The following DGKB variants were observed in gnomAD, a reference collection of about 807,000 sequenced individuals.
The protein encoded by DGKB is 90 kDa diacylglycerol kinase.
Under a neutral mutation model 114.3 loss-of-function variants are expected in DGKB, and 67 were observed. The ratio of observed to expected loss-of-function variants is 0.59; its 90% CI spans 0.48 to 0.72. DGKB has a LOEUF of 0.72. Among genes scored for constraint, DGKB ranks in the 30% least tolerant of loss-of-function variants. DGKB has a pLI of 0.00. For missense variants in DGKB, 907 were observed against 975.2 expected, an observed-to-expected ratio of 0.93 and a Z score of 0.93; for synonymous variants, 398 against 323.1, an observed-to-expected ratio of 1.23 and a Z score of -2.49.
chr7:14,885,519 A>G (rs1854911101), intron 1 of DGKB, among the ~76,000 whole-genome samples: 1 of 151,876 alleles, frequency 6.6e-6, no homozygotes, highest in Admixed American at 6.6e-5. Flanking sequence ...GCTATGAGAG[A>G]AGAAGGAGAA....
chr7:14,910,518 T>C (rs1043637336), intron 1 of DGKB, among the ~76,000 whole-genome samples: 1 of 152,082 alleles, frequency 6.6e-6, no homozygotes, highest in African/African-American at 2.4e-5. Flanking sequence ...TGAGAAAAAA[T>C]ACTTTTATGT....
chr7:14,580,067 T>C (rs2128721809), intron 19 of DGKB, among the ~76,000 whole-genome samples: 1 of 152,312 alleles, frequency 6.6e-6, no homozygotes, highest in East Asian at 1.9e-4. Context: ...CTCTGCAAAA[T>C]GTTTTAAGAC....
chr7:14,953,786 A>T (rs1387882328), intron 1 of DGKB, among the ~76,000 whole-genome samples: 1 of 152,136 alleles, frequency 6.6e-6, no homozygotes, highest in Non-Finnish European at 1.5e-5. Context: ...AAGAACTGTA[A>T]AGAATCCAAA....
At chr7:14,744,279 C>A (rs559252754) in intron 4 of DGKB, among the ~76,000 whole-genome samples, 1 of 152,286 alleles carries the variant, frequency 6.6e-6, no homozygotes, top group East Asian at 1.9e-4. Flanking sequence ...AATAGGAATT[C>A]ATTTTCTCTG....
At chr7:14,939,008 G>C (rs1785415724) in intron 1 of DGKB, among the ~76,000 whole-genome samples, 1 of 152,128 alleles carries the variant, frequency 6.6e-6, no homozygotes, top group South Asian at 2.1e-4. Flanking sequence ...AGGCATTTAA[G>C]TACCAGATTC....
At chr7:14,645,485 C>T (rs184999173) in intron 13 of DGKB, among the ~76,000 whole-genome samples, 5 of 152,150 alleles carry the variant, frequency 3.3e-5, no homozygotes, top group Admixed American at 6.5e-5. Context: ...AGCAAAGAGC[C>T]ACTGGGTGCC....
chr7:14,973,717 T>A (rs1012003799), intron 1 of DGKB, among the ~76,000 whole-genome samples: 19 of 150,002 alleles, frequency 1.3e-4, no homozygotes, highest in African/African-American at 4.4e-4. Flanking sequence ...AGTGACCATC[T>A]CTGAGATTAC....
chr7:14,789,476 T>C (rs1840360950), intron 2 of DGKB, among the ~76,000 whole-genome samples: 1 of 152,194 alleles, frequency 6.6e-6, no homozygotes, highest in South Asian at 2.1e-4. Context: ...TACCACAGTG[T>C]CCTTAAGCAT....
At chr7:14,315,453 G>A (rs1357374368) in intron 23 of DGKB, among the ~76,000 whole-genome samples, 3 of 150,664 alleles carry the variant, frequency 2.0e-5, no homozygotes, top group African/African-American at 7.3e-5. Flanking sequence ...CCAAGCAAAT[G>A]GAAAACAAAA....
At chr7:14,334,164 T>C (rs207467678) in intron 23 of DGKB, among the ~76,000 whole-genome samples, 3 of 152,294 alleles carry the variant, frequency 2.0e-5, no homozygotes, top group Non-Finnish European at 2.9e-5. Flanking sequence ...GCTTGTGCCA[T>C]GCAAAAGTAC....
intron 1 of DGKB, among the ~76,000 whole-genome samples, chr7:14,941,965 G>T (rs2128255098): frequency 6.6e-6 from 1 of 151,982 alleles, no homozygotes; most frequent in South Asian, 2.1e-4. Flanking sequence ...ATTCATTTTT[G>T]CTTATTGGTT....
chr7:14,968,623 C>G (rs568851366), intron 1 of DGKB, among the ~76,000 whole-genome samples: 1 of 152,110 alleles, frequency 6.6e-6, no homozygotes, highest in Non-Finnish European at 1.5e-5. Flanking sequence ...TTTCTATTAG[C>G]CATTGTTTGG....
chr7:14,170,152 AGAAAGAAAG>A (rs1780714545), intron 25 of DGKB, among the ~76,000 whole-genome samples: 2 of 49,660 alleles, frequency 4.0e-5, no homozygotes, highest in African/African-American at 1.9e-4. Context: ...AAAAAAAGAA[AGAAAGAAAG>A]AAAGAAAGAA....
At chr7:14,633,693 A>G (rs1810191407) in intron 13 of DGKB, among the ~76,000 whole-genome samples, 2 of 151,794 alleles carry the variant, frequency 1.3e-5, no homozygotes, top group South Asian at 4.2e-4. Context: ...TAAATGTAAT[A>G]TATTTTTAAT....
Position 14,580,877 on chromosome 7 carries a change from G to T in DGKB, c.1594C>A (p.Leu532Met). ...LGTGNDLARC[L>M]RWGGGYEGEN... ...GCTGCTTTACCTCCTCCCCATCGCA[G>T]GCATCTTGCTAGATCATTGCCAGTC... Residue 532 changes from leucine to methionine, a missense_variant, in exon 19 of 26, where the codon CTG (leucine) becomes ATG (methionine). Transcript: ENST00000402815. 1.2e-6 allele frequency: 2 copies of T among 1,602,532 alleles called. No homozygotes were observed. Among genetic ancestry groups the T allele is most frequent in the Non-Finnish European group, 1.7e-6 (2 of 1,172,262 alleles).
intron 13 of DGKB, among the ~76,000 whole-genome samples, chr7:14,642,632 T>C (rs571363405): frequency 6.6e-6 from 1 of 152,330 alleles, no homozygotes; most frequent in East Asian, 1.9e-4. Flanking sequence ...ATAATATTTA[T>C]TTTTGCTAAG....
chr7:14,970,660 G>A (rs1787411713), intron 1 of DGKB, among the ~76,000 whole-genome samples: 1 of 152,098 alleles, frequency 6.6e-6, no homozygotes, highest in Non-Finnish European at 1.5e-5. Flanking sequence ...TTGCCCTCTT[G>A]TTTTCATACC....
intron 20 of DGKB, among the ~76,000 whole-genome samples, chr7:14,515,186 CAAATAA>C (rs1323959593): frequency 6.6e-6 from 1 of 151,954 alleles, no homozygotes; most frequent in Non-Finnish European, 1.5e-5. Context: ...ATATCAAAAT[CAAATAA>C]AAATAAAAAG....
chr7:14,603,284 T>C (rs1449410342), intron 17 of DGKB, among the ~76,000 whole-genome samples: 1 of 152,116 alleles, frequency 6.6e-6, no homozygotes, highest in Admixed American at 6.6e-5. Flanking sequence ...ATGAGAAGGA[T>C]AGAGTTGAGT....
Sources: gnomAD v4.1 joint callset for allele counts (sites outside exome capture counted in the v4.1 genomes callset) on GRCh38, gnomAD v4.1.1 for gene constraint, MANE v1.5 for transcripts, NCBI Gene and HGNC (gene_info 2026-07-23, HGNC 2026-07-21) for gene names.